Variants in KIAA2012 observed in about 807,000 individuals in gnomAD.
KIAA2012 encodes the protein KIAA2012.
Under a neutral mutation model 150.6 loss-of-function variants are expected in KIAA2012, and 125 were observed. That is an observed-to-expected ratio of 0.83 (90% CI 0.72 to 0.96). KIAA2012 has a LOEUF of 0.96. Among genes scored for constraint, KIAA2012 ranks in the 40% least tolerant of loss-of-function variants. The pLI is 0.00. For missense variants in KIAA2012, 1,219 were observed against 1,354.9 expected, an observed-to-expected ratio of 0.90 and a Z score of 1.57; for synonymous variants, 462 against 504.7, an observed-to-expected ratio of 0.92 and a Z score of 1.13.
chr2:202,158,094 AT>A (rs1691566621), intron 14 of KIAA2012, among the ~76,000 whole-genome samples: 1 of 152,152 alleles, frequency 6.6e-6, no homozygotes, highest in Non-Finnish European at 1.5e-5. Context: ...TCCTGGGTTC[AT>A]GCCATTCTCC....
At chr2:202,160,824 T>C (rs1691638602) in intron 14 of KIAA2012, among the ~76,000 whole-genome samples, 1 of 152,202 alleles carries the variant, frequency 6.6e-6, no homozygotes, top group East Asian at 1.9e-4. Flanking sequence ...TTGAGAACTC[T>C]ACAATTATTT....
At chr2:202,190,707 T>G (rs530380660) in intron 19 of KIAA2012, among the ~76,000 whole-genome samples, 1 of 152,298 alleles carries the variant, frequency 6.6e-6, no homozygotes, top group South Asian at 2.1e-4. Flanking sequence ...GAAGTGGTGA[T>G]GCATTCTGTG....
Position 202,100,419 on chromosome 2 carries a change from A to G in KIAA2012, c.1125A>G (p.Ile375Met). The G allele has an allele frequency of 7.1e-6, 11 of 1,550,602 alleles. No individual in the cohort carries two copies. Among genetic ancestry groups the G allele is most frequent in the Non-Finnish European group, 9.6e-6 (11 of 1,146,982 alleles). Residue 375 changes from isoleucine to methionine, a missense_variant, in exon 7 of 24, where the codon ATA becomes ATG. Physicochemically the swap from Ile to Met is conservative, Grantham distance 10. Transcript: ENST00000498697. ...PPVASATGSR[I>M]ITPGEVKKKK... ...TAGCATCTGCCACTGGCTCCAGAAT[A>G]ATCACCCCTGGGGAAGTGAAGAAGA...
Position 202,187,010 on chromosome 2 carries a change from C to A in KIAA2012, c.2288C>A (p.Ala763Asp), listed in dbSNP as rs1183020572. 13 of 1,550,456 alleles carry A rather than the reference C, an allele frequency of 8.4e-6. No individual in the cohort carries two copies. Among genetic ancestry groups the A allele is most frequent in the Non-Finnish European group, 1.1e-5 (13 of 1,146,988 alleles). The part of the protein sequence containing the change: ...YGPESPERLS[A>D]VYTSLLPRER... ...CCTGAGTCACCCGAGAGGTTGAGTG[C>A]TGTGTATACATCTCTTCTTCCAAGA... is the stretch of plus-strand genomic sequence containing the variant. The change falls in exon 17 of 24, where the codon GCT (alanine) becomes GAT (aspartate). Residue 763 changes from alanine (A) to aspartate (D), a missense_variant. Ala to Asp is a moderately radical substitution (Grantham distance 126). Transcript: ENST00000498697.
In KIAA2012 at chr2:202,100,313, A is replaced by G. The variant is rs756429199; in HGVS notation, c.1019A>G (p.Gln340Arg). 2 of 1,549,984 alleles carry G rather than the reference A, an allele frequency of 1.3e-6. No homozygotes were observed. Among genetic ancestry groups the G allele is most frequent in the African/African-American group, 1.4e-5 (1 of 73,146 alleles). Reference sequence around the variant, plus strand: ...TCTCATCCTGTTTTTAAAGATAAACAAAGGAACGTGAAACTCCACAAGGCC... The same window carrying G: ...TCTCATCCTGTTTTTAAAGATAAACGAAGGAACGTGAAACTCCACAAGGCC... ...PNRKADLSDK[Q>R]RNVKLHKARS... Residue 340 changes from glutamine (Q) to arginine (R), a missense_variant, in exon 7 of 24, where the codon CAA becomes CGA. Transcript: ENST00000498697.
intron 3 of KIAA2012, among the ~76,000 whole-genome samples, chr2:202,092,182 A>T: frequency 6.6e-6 from 1 of 152,184 alleles, no homozygotes; most frequent in Non-Finnish European, 1.5e-5. Flanking sequence ...ATACACACAC[A>T]CATGCATTCT....
intron 13 of KIAA2012, among the ~76,000 whole-genome samples, chr2:202,153,152 C>T (rs1193144778): frequency 6.6e-6 from 1 of 152,174 alleles, no homozygotes; most frequent in Non-Finnish European, 1.5e-5. Context: ...TTTTGTTCAG[C>T]CAATATGTAT....
At chr2:202,157,207 A>C (rs1691546411) in intron 14 of KIAA2012, among the ~76,000 whole-genome samples, 1 of 152,172 alleles carries the variant, frequency 6.6e-6, no homozygotes, top group Non-Finnish European at 1.5e-5. Flanking sequence ...TGCTCTCCCT[A>C]GATAGACCTT....
intron 15 of KIAA2012, among the ~76,000 whole-genome samples, chr2:202,178,481 C>T (rs937963085): frequency 1.3e-5 from 2 of 152,152 alleles, no homozygotes; most frequent in Non-Finnish European, 1.5e-5. Context: ...CAATTCTAAT[C>T]ACAATGGAAG....
At chr2:202,106,897 G>T (rs1167015583) in intron 9 of KIAA2012, among the ~76,000 whole-genome samples, 1 of 152,154 alleles carries the variant, frequency 6.6e-6, no homozygotes, top group Admixed American at 6.5e-5. Flanking sequence ...GCACGTGCAA[G>T]ATGACAGTAT....
chr2:202,150,393 T>C (rs553252228), intron 13 of KIAA2012, among the ~76,000 whole-genome samples: 124 of 152,224 alleles, frequency 8.1e-4, no homozygotes, highest in African/African-American at 2.8e-3. Context: ...ATTCCATCAG[T>C]TTTTTTGGTT....
chr2:202,127,725 C>A (rs1337383913), intron 12 of KIAA2012, among the ~76,000 whole-genome samples: 1 of 152,236 alleles, frequency 6.6e-6, no homozygotes, highest in Non-Finnish European at 1.5e-5. Context: ...ATGCAAATCT[C>A]TTTCCTATTT....
At chr2:202,173,987 C>T (rs898467975) in intron 15 of KIAA2012, among the ~76,000 whole-genome samples, 1 of 151,872 alleles carries the variant, frequency 6.6e-6, no homozygotes, top group Non-Finnish European at 1.5e-5. Flanking sequence ...TTTTTTGAGA[C>T]ACAGTTTTGC....
intron 13 of KIAA2012, among the ~76,000 whole-genome samples, chr2:202,146,556 C>T (rs1033187632): frequency 2.5e-4 from 37 of 149,496 alleles, no homozygotes; most frequent in African/African-American, 7.6e-4. Flanking sequence ...CTCTTGAACC[C>T]GGGAGGTGGA....
chr2:202,091,067 G>GTGGGCTACCAAGCGT, intron 3 of KIAA2012, 138 bp downstream of exon 3: 3 of 1,162,624 alleles, frequency 2.6e-6, no homozygotes, highest in Non-Finnish European at 3.5e-6. Context: ...CCCCACGCTT[G>GTGGGCTACCAAGCGT]GTAGCCCACA....
intron 4 of KIAA2012, among the ~76,000 whole-genome samples, chr2:202,093,990 A>G (rs1429208938): frequency 6.6e-6 from 1 of 152,244 alleles, no homozygotes; most frequent in Non-Finnish European, 1.5e-5. Flanking sequence ...AGAGCCCAAC[A>G]TAAGATTTTT....
At chr2:202,092,395 C>G (rs1689745628) in intron 3 of KIAA2012, among the ~76,000 whole-genome samples, 1 of 152,186 alleles carries the variant, frequency 6.6e-6, no homozygotes. Context: ...GATTAATCCT[C>G]CCCACCCTTC....
At chr2:202,186,272 G>C (rs1692224372) in intron 16 of KIAA2012, among the ~76,000 whole-genome samples, 2 of 152,050 alleles carry the variant, frequency 1.3e-5, no homozygotes, top group Non-Finnish European at 2.9e-5. Flanking sequence ...CAGCACTTTG[G>C]GAGGCTGAGG....
At chr2:202,096,099 A>C (rs547935815) in intron 4 of KIAA2012, among the ~76,000 whole-genome samples, 4 of 150,598 alleles carry the variant, frequency 2.7e-5, no homozygotes, top group Admixed American at 6.6e-5. Context: ...CCCCCCACCC[A>C]AAAAAAAAGA....
Sources: allele counts gnomAD v4.1 joint callset (sites outside exome capture counted in the v4.1 genomes callset), GRCh38; gene constraint gnomAD v4.1.1; transcripts MANE v1.5; gene names NCBI Gene and HGNC (gene_info 2026-07-23, HGNC 2026-07-21).